Variants in DHX40 observed in about 807,000 individuals in gnomAD.
The protein encoded by DHX40 is DEAH-box helicase 40.
In DHX40, 28 loss-of-function variants were observed where a neutral mutation model predicts 89.6. That is an observed-to-expected ratio of 0.31 (90% confidence interval 0.23 to 0.43). The LOEUF (loss-of-function observed/expected upper bound fraction) is 0.43. DHX40 is among the 20% of genes least tolerant of loss of function. DHX40 has a pLI of 1.00. For missense variants in DHX40, 457 were observed against 844.0 expected, an observed-to-expected ratio of 0.54 and a Z score of 5.68; for synonymous variants, 226 against 283.6, an observed-to-expected ratio of 0.80 and a Z score of 2.04.
intron 12 of DHX40, among the ~76,000 whole-genome samples, chr17:59,597,863 A>G: frequency 7.1e-6 from 1 of 141,536 alleles, no homozygotes; most frequent in South Asian, 2.6e-4. Context: ...TGAACCCGGG[A>G]GGCGGAGCTT....
In DHX40 at chr17:59,568,998, G is replaced by A. The variant is rs549409970; in HGVS notation, c.281-1520G>A. On this transcript the variant is annotated intron_variant, in intron 2 of 17. Transcript: ENST00000251241. Reference sequence around the variant, plus strand: ...CTCCTGAGTAGCTGGGATTACAGGTGTGTACCACTGCTCCCAGCAGAAAGG... The same window carrying A: ...CTCCTGAGTAGCTGGGATTACAGGTATGTACCACTGCTCCCAGCAGAAAGG... Among the ~76,000 whole-genome samples, 16 of 152,192 alleles carry A rather than the reference G, an allele frequency of 1.1e-4. No homozygotes were observed. The South Asian group carries it at 3.3e-3, about 32-fold the overall frequency.
Position 59,605,526 on chromosome 17 carries a change from A to G in DHX40, c.2052A>G (p.Val684=), listed in dbSNP as rs779050333. The G allele has an allele frequency of 2.5e-6, 4 of 1,614,214 alleles. No homozygotes were observed. The highest frequency in any genetic ancestry group is 3.3e-5 in the Admixed American group (2 of 60,024). ...CCACCAAAGTCTACGCAAGAATTGT[A>G]TGCCCAATCCGTTATGAATGGGTAA... is the stretch of plus-strand genomic sequence containing the variant. ...LVTTKVYARI[V]CPIRYEWVRD... is the part of the protein sequence containing the mutation. The change falls in exon 17 of 18, where the codon GTA becomes GTG. Residue 684 remains valine (V), a synonymous_variant. Coordinates refer to ENST00000251241, the MANE Select transcript of DHX40 (RefSeq NM_024612.5).
intron 2 of DHX40, among the ~76,000 whole-genome samples, chr17:59,567,664 C>T (rs147347360): frequency 3.1e-3 from 473 of 151,442 alleles, no homozygotes; most frequent in African/African-American, 0.011. Flanking sequence ...CAGTGGCTCA[C>T]GCCTGTAATC....
chr17:59,588,224 A>AAAAAAAAAAAAC, intron 12 of DHX40, among the ~76,000 whole-genome samples, 171 bp downstream of exon 12: 3 of 149,488 alleles, frequency 2.0e-5, no homozygotes, highest in Admixed American at 6.6e-5. Context: ...TCTACTAAAA[A>AAAAAAAAAAAAC]AAAAAAAAAA....
chr17:59,569,518 T>C (rs921215222), intron 2 of DHX40, among the ~76,000 whole-genome samples: 8 of 148,684 alleles, frequency 5.4e-5, no homozygotes, highest in Non-Finnish European at 1.2e-4. Flanking sequence ...ATTTAAAAAA[T>C]ATATTTTTTA....
intron 1 of DHX40, among the ~76,000 whole-genome samples, chr17:59,566,056 A>C (rs533519801): frequency 7.2e-5 from 11 of 152,196 alleles, no homozygotes; most frequent in African/African-American, 2.7e-4. Context: ...ACAGGCTCAT[A>C]GACCCTTTGT....
At chr17:59,575,497 T>C (rs748878995) in intron 7 of DHX40, 26 bp downstream of exon 7, 3 of 1,607,260 alleles carry the variant, frequency 1.9e-6, no homozygotes, top group Admixed American at 1.7e-5. Context: ...AATAGAAAAT[T>C]TGATTTTTTA....
intron 15 of DHX40, chr17:59,603,388 A>G (rs1371334746): frequency 6.6e-6 from 1 of 152,266 alleles, no homozygotes; most frequent in African/African-American, 2.4e-5. Flanking sequence ...GACTTGGGAC[A>G]TCCATCTGCC....
intron 12 of DHX40, among the ~76,000 whole-genome samples, chr17:59,594,545 A>G (rs1378143364): frequency 2.6e-5 from 4 of 151,334 alleles, no homozygotes; most frequent in African/African-American, 7.3e-5. Context: ...CTCACTTTGC[A>G]TCTTCCTCAG....
At chr17:59,566,471 C>G (rs542739027) in intron 1 of DHX40, among the ~76,000 whole-genome samples, 156 bp from the exon 2 acceptor site, 41 of 152,304 alleles carry the variant, frequency 2.7e-4, no homozygotes, top group African/African-American at 9.6e-4. Flanking sequence ...AAATTGCGCT[C>G]ATTAACGCTC....
At position 59,570,542 on chromosome 17, in the gene DHX40, G is replaced by A; in HGVS notation, c.305G>A (p.Gly102Asp). The stretch of plus-strand genomic sequence containing the variant: ...GGGTTTTCACAACATGGTATGATTG[G>A]TGTAACTCAACCACGAAAAGTAGCT... Reference protein sequence around the residue: ...EAGFSQHGMIGVTQPRKVAAI... With the variant: ...EAGFSQHGMIDVTQPRKVAAI... Residue 102 changes from glycine to aspartate, a missense_variant, in exon 3 of 18, where the codon GGT (glycine) becomes GAT (aspartate). Gly to Asp is a moderately conservative substitution (Grantham distance 94, BLOSUM62 -1). This residue lies in a region of DHX40 where 61 missense variants were observed against 100.4 expected (regional missense o/e 0.61). Coordinates refer to ENST00000251241, the MANE Select transcript of DHX40 (RefSeq NM_024612.5). 6.2e-7 allele frequency: 1 copy of A among 1,606,494 alleles called. No homozygotes were observed. Among genetic ancestry groups the A allele is most frequent in the Non-Finnish European group, 8.5e-7 (1 of 1,176,612 alleles).
At chr17:59,606,817 T>C (rs2030888590) in intron 17 of DHX40, among the ~76,000 whole-genome samples, 1 of 151,932 alleles carries the variant, frequency 6.6e-6, no homozygotes. Flanking sequence ...CACTGCCACA[T>C]GCTTGAATTA....
chr17:59,602,693 A>T, intron 15 of DHX40, 77 bp downstream of exon 15: 1 of 1,187,852 alleles, frequency 8.4e-7, no homozygotes, highest in Non-Finnish European at 1.2e-6. Flanking sequence ...TTTAATATTA[A>T]ACATTGAAGA....
chr17:59,565,620 T>C lies in DHX40; in HGVS notation c.-52T>C. 6.6e-7 allele frequency: 1 copy of C among 1,518,088 alleles called. No homozygotes were observed. The highest frequency in any genetic ancestry group is 8.9e-7 in the Non-Finnish European group (1 of 1,122,372). The allele number at this position is 1,518,088 out of a possible 1,614,324, so 94.0% of individuals were successfully genotyped here. A position where few individuals can be genotyped will look rare whatever the true frequency, so the allele number is the denominator to read the frequency against. ...TCAGGGCGCGTCCTCGTCTTTCCCC[T>C]CCCATCTCCTCAGATCGGTGGACGT... On this transcript the variant is annotated 5_prime_UTR_variant, in exon 1 of 18. Coordinates refer to ENST00000251241, the MANE Select transcript of DHX40 (RefSeq NM_024612.5).
chr17:59,606,617 G>A (rs1383505495), intron 17 of DHX40, among the ~76,000 whole-genome samples: 5 of 151,946 alleles, frequency 3.3e-5, no homozygotes, highest in African/African-American at 2.4e-5. Flanking sequence ...GTGGTGGCGG[G>A]CGCCTGTAGT....
In DHX40 at chr17:59,607,252, A is replaced by G. The variant is rs574963867; in HGVS notation, c.*80A>G. 6.2e-7 allele frequency: 1 copy of G among 1,613,768 alleles called. No homozygotes were observed. Among genetic ancestry groups the G allele is most frequent in the Non-Finnish European group, 8.5e-7 (1 of 1,179,886 alleles). ...TACTTTGCCAGTTATTTCAGACAGC[A>G]CTACCAAGAGGAGGTGGTCAGCACT... On this transcript the variant is annotated 3_prime_UTR_variant, in exon 18 of 18. Transcript: ENST00000251241.
intron 12 of DHX40, among the ~76,000 whole-genome samples, 190 bp downstream of exon 12, chr17:59,588,243 C>CAAAAAA (rs2049029608): frequency 2.2e-5 from 3 of 138,270 alleles, no homozygotes; most frequent in Non-Finnish European, 3.1e-5. Context: ...AAAAAAAAAC[C>CAAAAAA]AAAAACAAAA....
chr17:59,575,538 C>G (rs1446017669), intron 7 of DHX40, 67 bp downstream of exon 7: 3 of 1,546,142 alleles, frequency 1.9e-6, no homozygotes, highest in Admixed American at 1.9e-5. Flanking sequence ...ATCGTGTTTA[C>G]AGAAAAGCAG....
At chr17:59,571,121 C>T (rs1332883303) in intron 3 of DHX40, among the ~76,000 whole-genome samples, 10 of 151,948 alleles carry the variant, frequency 6.6e-5, no homozygotes, top group Admixed American at 6.6e-5. Context: ...AACTTAAAAT[C>T]GACCATTTTA....
Sources: gnomAD v4.1 joint callset for allele counts (sites outside exome capture counted in the v4.1 genomes callset) on GRCh38, gnomAD v4.1.1 for gene constraint, gnomAD v4.1.1 regional missense constraint, MANE v1.5 for transcripts, NCBI Gene and HGNC (gene_info 2026-07-23, HGNC 2026-07-21) for gene names.